The following PRTFDC1 variants were observed in gnomAD, a reference collection of about 807,000 sequenced individuals.
PRTFDC1 encodes the protein phosphoribosyl transferase domain containing 1.
PRTFDC1 carries 38 observed loss-of-function variants against 34.6 expected under a neutral mutation model. That is an observed-to-expected ratio of 1.10 (90% CI 0.85 to 1.44). PRTFDC1 has a LOEUF of 1.44. PRTFDC1 is among the 40% of genes most tolerant of loss of function. PRTFDC1 has a pLI of 0.00. For synonymous variants in PRTFDC1, 93 were observed against 98.1 expected (o/e 0.95, Z 0.31); for missense variants, 270 against 283.0 (o/e 0.95, Z 0.33).
At chr10:24,893,345 G>T (rs1432724838) in intron 3 of PRTFDC1, among the ~76,000 whole-genome samples, 1 of 152,082 alleles carries the variant, frequency 6.6e-6, no homozygotes, top group Non-Finnish European at 1.5e-5. Context: ...CAGGAGTGCA[G>T]TGACGCAATC....
chr10:24,951,550 C>G (rs930720693), intron 1 of PRTFDC1: 1 of 985,260 alleles, frequency 1.0e-6, no homozygotes, highest in South Asian at 4.7e-5. Context: ...AGCCCACTTA[C>G]TTTAGTTCAG....
intron 3 of PRTFDC1, among the ~76,000 whole-genome samples, chr10:24,880,820 TTTC>T (rs1848058474): frequency 1.1e-5 from 1 of 89,522 alleles, no homozygotes; most frequent in Admixed American, 1.0e-4. Flanking sequence ...TTTCTCTTTC[TTTC>T]TTTCTTTCTT....
chr10:24,934,389 T>C (rs776180933), intron 3 of PRTFDC1, among the ~76,000 whole-genome samples: 1 of 152,150 alleles, frequency 6.6e-6, no homozygotes, highest in Non-Finnish European at 1.5e-5. Flanking sequence ...AAAGTTAACC[T>C]GAAAAACTCG....
chr10:24,942,694 C>T (rs752021306), intron 1 of PRTFDC1, among the ~76,000 whole-genome samples: 13 of 152,200 alleles, frequency 8.5e-5, no homozygotes, highest in Non-Finnish European at 1.3e-4. Context: ...GTCACCCAGG[C>T]TGGAGTGCAG....
intron 3 of PRTFDC1, among the ~76,000 whole-genome samples, chr10:24,879,869 A>G (rs942053836): frequency 3.3e-5 from 5 of 152,186 alleles, no homozygotes; most frequent in Non-Finnish European, 5.9e-5. Context: ...TCATTTAAAT[A>G]CCCATTTGGT....
Position 24,938,228 on chromosome 10 carries a change from C to CA in PRTFDC1, c.156-862dup, listed in dbSNP as rs376516693. 2.4e-3 allele frequency among the ~76,000 whole-genome samples: 315 copies of CA among 133,494 alleles called. 2 individuals are homozygous for CA. The highest frequency in any genetic ancestry group is 4.9e-3 in the African/African-American group (179 of 36,242). The allele number at this position is 133,494 out of a possible 152,430, so 87.6% of individuals were successfully genotyped here. On this transcript the variant is annotated intron_variant, in intron 2 of 8. Transcript: ENST00000320152. ...TGCGCGACAGAGCAAGGCTCCTTCT[C>CA]AAAAAAAAAAAAAGAACATTTGTTT... is the stretch of plus-strand genomic sequence containing the variant.
chr10:24,890,467 T>A (rs1033901390), intron 3 of PRTFDC1, among the ~76,000 whole-genome samples: 5 of 152,230 alleles, frequency 3.3e-5, no homozygotes, highest in African/African-American at 1.2e-4. Flanking sequence ...GCACGTGGGT[T>A]GTCCAGTTTT....
At chr10:24,866,315 C>T (rs979029497) in intron 4 of PRTFDC1, among the ~76,000 whole-genome samples, 4 of 145,484 alleles carry the variant, frequency 2.7e-5, no homozygotes, top group Non-Finnish European at 6.0e-5. Flanking sequence ...GAGCTGAGAT[C>T]GTACCACTGC....
intron 3 of PRTFDC1, among the ~76,000 whole-genome samples, chr10:24,881,928 G>C (rs937762625): frequency 2.5e-4 from 38 of 151,846 alleles, no homozygotes; most frequent in African/African-American, 9.2e-4. Context: ...CTCAGTTTGC[G>C]GGGCACGGTG....
chr10:24,948,455 C>T (rs1202875562), intron 1 of PRTFDC1, among the ~76,000 whole-genome samples: 1 of 152,150 alleles, frequency 6.6e-6, no homozygotes, highest in Admixed American at 6.5e-5. Flanking sequence ...AATTTCTGAC[C>T]TTAGGATCTA....
At chr10:24,857,100 T>C (rs1390652598) in intron 5 of PRTFDC1, 105 bp from the exon 6 acceptor site, 1 of 990,124 alleles carries the variant, frequency 1.0e-6, no homozygotes, top group Non-Finnish European at 1.6e-6. Context: ...TAATTAAAAA[T>C]GCCATCCAAT....
At chr10:24,945,436 T>C (rs142549456) in intron 1 of PRTFDC1, among the ~76,000 whole-genome samples, 4 of 152,288 alleles carry the variant, frequency 2.6e-5, no homozygotes, top group Non-Finnish European at 5.9e-5. Context: ...GGCTGACTGA[T>C]GGCCACATGG....
chr10:24,857,105 T>A (rs558105453), intron 5 of PRTFDC1, 110 bp from the exon 6 acceptor site: 101 of 951,124 alleles, frequency 1.1e-4, no homozygotes, highest in Admixed American at 1.4e-4. Flanking sequence ...AAAAATGCCA[T>A]CCAATTTGGA....
intron 1 of PRTFDC1, among the ~76,000 whole-genome samples, chr10:24,950,454 T>G (rs3000491): frequency 0.31 from 47,498 of 152,008 alleles, 8,310 homozygotes; most frequent in East Asian, 0.47. Context: ...ATTTCGGATT[T>G]TGGATTTTTG....
At chr10:24,928,111 G>T (rs1041778180) in intron 3 of PRTFDC1, among the ~76,000 whole-genome samples, 15 of 152,044 alleles carry the variant, frequency 9.9e-5, no homozygotes, top group Non-Finnish European at 1.8e-4. Flanking sequence ...TTTCATAGTG[G>T]TACATAAAGT....
intron 3 of PRTFDC1, among the ~76,000 whole-genome samples, chr10:24,930,701 A>G (rs1164930479): frequency 6.6e-6 from 1 of 151,944 alleles, no homozygotes; most frequent in Non-Finnish European, 1.5e-5. Context: ...GACCTTGGGC[A>G]TGTTACTGAA....
chr10:24,936,765 C>T (rs61854337), intron 3 of PRTFDC1, among the ~76,000 whole-genome samples: 17,433 of 152,154 alleles, frequency 0.11, 1,269 homozygotes, highest in East Asian at 0.28. Context: ...GCCACAACTG[C>T]AGCCACCCAA....
Position 24,849,748 on chromosome 10 carries a change from T to C in PRTFDC1, c.*96A>G. 8.7e-7 allele frequency: 1 copy of C among 1,153,158 alleles called. No homozygotes were observed. 71.4% of individuals were successfully genotyped at this position (1,153,158 alleles called of 1,614,324 possible). On this transcript the variant is annotated 3_prime_UTR_variant, in exon 9 of 9. Coordinates refer to ENST00000320152, the MANE Select transcript of PRTFDC1 (RefSeq NM_020200.7). ...TTTTTTTCTTTTATATCCTGCTGAG[T>C]GAAGATGCCTGGGGGGACAAACTTG...
chr10:24,866,449 A>G (rs1847779306), intron 4 of PRTFDC1, among the ~76,000 whole-genome samples: 2 of 151,628 alleles, frequency 1.3e-5, no homozygotes, highest in South Asian at 4.2e-4. Flanking sequence ...TAACCTGCAC[A>G]TCTGTGTTTT....
Sources: allele counts gnomAD v4.1 joint callset (sites outside exome capture counted in the v4.1 genomes callset), GRCh38; gene constraint gnomAD v4.1.1; transcripts MANE v1.5; gene names NCBI Gene and HGNC (gene_info 2026-07-23, HGNC 2026-07-21).